Variants in COL14A1 observed in about 807,000 individuals in gnomAD.
The protein encoded by COL14A1 is collagen type XIV alpha 1 chain, also known as collagen alpha-1(XIV) chain.
COL14A1 carries 136 observed loss-of-function variants against 230.3 expected under a neutral mutation model. The observed-to-expected ratio is 0.59, with a 90% confidence interval of 0.51 to 0.68. The LOEUF (loss-of-function observed/expected upper bound fraction) is 0.68. COL14A1 is among the 30% of genes least tolerant of loss of function. The pLI, the probability that COL14A1 is intolerant of heterozygous loss-of-function variation, is 0.00. For synonymous variants in COL14A1, 792 were observed against 784.1 expected (o/e 1.01, Z -0.17); for missense variants, 1,976 against 2,215.8 (o/e 0.89, Z 2.17).
intron 20 of COL14A1, among the ~76,000 whole-genome samples, chr8:120,244,861 T>C (rs899189063): frequency 1.3e-5 from 2 of 152,202 alleles, no homozygotes; most frequent in Non-Finnish European, 2.9e-5. Context: ...TCTGCACCTC[T>C]GTTTTAGGCC....
chr8:120,259,750 G>C (rs777329111), intron 23 of COL14A1, among the ~76,000 whole-genome samples: 4 of 152,182 alleles, frequency 2.6e-5, no homozygotes, highest in Non-Finnish European at 5.9e-5. Context: ...TGCATTTCTA[G>C]AATTGACTCC....
At chr8:120,167,681 TC>T (rs1815953226) in intron 4 of COL14A1, among the ~76,000 whole-genome samples, 2 of 152,212 alleles carry the variant, frequency 1.3e-5, no homozygotes, top group African/African-American at 2.4e-5. Context: ...CTCTTCATCT[TC>T]TTGTTTTGCT....
intron 40 of COL14A1, among the ~76,000 whole-genome samples, chr8:120,321,495 T>C (rs989864857): frequency 6.6e-6 from 1 of 150,678 alleles, no homozygotes; most frequent in Non-Finnish European, 1.5e-5. Flanking sequence ...GAAAAAAAAA[T>C]AGCTTGGCAT....
At chr8:120,261,841 C>G (rs1819337190) in intron 23 of COL14A1, among the ~76,000 whole-genome samples, 1 of 148,864 alleles carries the variant, frequency 6.7e-6, no homozygotes, top group African/African-American at 2.5e-5. Flanking sequence ...TTTGGAGAGG[C>G]CCCTCTGAAC....
Position 120,307,431 on chromosome 8 carries a change from A to G in COL14A1, c.4402-2578A>G, listed in dbSNP as rs528063072. ...GTAGAAAATATCTACAAATAAAAATATATATAACATCTAAGTTTGTGTAAG... is the reference window on the plus strand; with the variant it reads ...GTAGAAAATATCTACAAATAAAAATGTATATAACATCTAAGTTTGTGTAAG... On this transcript the variant is annotated intron_variant, in intron 36 of 47. Transcript: ENST00000297848. Among the ~76,000 whole-genome samples, 7 of 152,342 alleles carry G rather than the reference A, an allele frequency of 4.6e-5. No homozygotes were observed. In the South Asian group the frequency reaches 6.2e-4, roughly 14 times the overall value.
At chr8:120,211,062 G>A (rs1450477525) in intron 12 of COL14A1, among the ~76,000 whole-genome samples, 2 of 152,128 alleles carry the variant, frequency 1.3e-5, no homozygotes, top group African/African-American at 2.4e-5. Flanking sequence ...CACAGGAAAA[G>A]AATCGCTCCT....
intron 5 of COL14A1, among the ~76,000 whole-genome samples, chr8:120,190,522 G>A: frequency 6.6e-6 from 1 of 152,020 alleles, no homozygotes; most frequent in East Asian, 1.9e-4. Flanking sequence ...GGCTTTTGTT[G>A]CCATTGCTTT....
At chr8:120,148,521 C>G (rs912108094) in intron 2 of COL14A1, among the ~76,000 whole-genome samples, 27 of 152,204 alleles carry the variant, frequency 1.8e-4, no homozygotes, top group African/African-American at 6.3e-4. Context: ...TAATAATGCT[C>G]TAATAATTAA....
chr8:120,135,779 G>A (rs548783122), intron 1 of COL14A1, among the ~76,000 whole-genome samples: 100 of 151,102 alleles, frequency 6.6e-4, no homozygotes, highest in African/African-American at 2.2e-3. Context: ...TTTCATTTCT[G>A]TCAGTAATAC....
intron 19 of COL14A1, among the ~76,000 whole-genome samples, chr8:120,234,951 T>A (rs1401551697): frequency 6.6e-6 from 1 of 152,320 alleles, no homozygotes; most frequent in African/African-American, 2.4e-5. Context: ...CCTGGGCTTT[T>A]TTTGGTTGGT....
chr8:120,300,280 T>A (rs1180253908), intron 35 of COL14A1, among the ~76,000 whole-genome samples: 1 of 152,148 alleles, frequency 6.6e-6, no homozygotes, highest in Non-Finnish European at 1.5e-5. Flanking sequence ...TTGATTTTAT[T>A]TTGTTTTTCT....
At chr8:120,130,344 G>A (rs1343220507) in intron 1 of COL14A1, among the ~76,000 whole-genome samples, 2 of 152,054 alleles carry the variant, frequency 1.3e-5, no homozygotes, top group Non-Finnish European at 2.9e-5. Context: ...GCCCACATTT[G>A]GCCAGATAGG....
chr8:120,151,416 G>A (rs541380033), intron 2 of COL14A1, among the ~76,000 whole-genome samples: 2 of 152,000 alleles, frequency 1.3e-5, no homozygotes, highest in East Asian at 1.9e-4. Context: ...TAAGGCAGGC[G>A]GATCATGAGG....
chr8:120,266,771 G>A lies in COL14A1; in HGVS notation c.3017-56G>A, dbSNP rs577956528. The A allele has an allele frequency of 2.8e-4, 395 of 1,409,546 alleles. 3 individuals carry two copies. In the South Asian group the frequency reaches 4.3e-3, roughly 15 times the overall value. The allele number at this position is 1,409,546 out of a possible 1,614,324, so 87.3% of individuals were successfully genotyped here. A position where few individuals can be genotyped will look rare whatever the true frequency, so the allele number is the denominator to read the frequency against. Reference sequence around the variant, plus strand: ...AATATTTATTACTCCATGACCTTCCGCTCTTCCCCACAGATGAGATGGTGA... The same window carrying A: ...AATATTTATTACTCCATGACCTTCCACTCTTCCCCACAGATGAGATGGTGA... On this transcript the variant is annotated intron_variant, in intron 24 of 47. Transcript: ENST00000297848.
At chr8:120,289,893 T>C in intron 34 of COL14A1, 127 bp downstream of exon 34, 1 of 792,414 alleles carries the variant, frequency 1.3e-6, no homozygotes, top group Non-Finnish European at 2.0e-6. Context: ...GATGAATGAA[T>C]GGATGGATGG....
chr8:120,366,402 G>A (rs1169051351), intron 45 of COL14A1, among the ~76,000 whole-genome samples: 1 of 152,178 alleles, frequency 6.6e-6, no homozygotes, highest in Non-Finnish European at 1.5e-5. Flanking sequence ...CAAAAAAACA[G>A]ACAGCAAAGA....
At chr8:120,370,433 G>A in intron 47 of COL14A1, 1 of 1,590,126 alleles carries the variant, frequency 6.3e-7, no homozygotes, top group South Asian at 1.1e-5. Context: ...GAACTGTCCT[G>A]TCAACCACCA....
At chr8:120,296,558 T>G (rs1563723623) in intron 34 of COL14A1, among the ~76,000 whole-genome samples, 1 of 151,960 alleles carries the variant, frequency 6.6e-6, no homozygotes, top group South Asian at 2.1e-4. Flanking sequence ...CACCACTTGC[T>G]GAAAGCAAGA....
chr8:120,216,573 T>G, intron 14 of COL14A1, 83 bp downstream of exon 14: 1 of 1,351,692 alleles, frequency 7.4e-7, no homozygotes, highest in Non-Finnish European at 1.0e-6. Flanking sequence ...TCTCAAAGCC[T>G]AGTGGCTTAA....
Sources: gnomAD v4.1 joint callset for allele counts (sites outside exome capture counted in the v4.1 genomes callset) on GRCh38, gnomAD v4.1.1 for gene constraint, MANE v1.5 for transcripts, NCBI Gene and HGNC (gene_info 2026-07-23, HGNC 2026-07-21) for gene names.